The following ANO3 variants were observed in gnomAD, a reference collection of about 807,000 sequenced individuals.
The protein encoded by ANO3 is anoctamin 3.
Under a neutral mutation model 144.8 loss-of-function variants are expected in ANO3, and 99 were observed. The ratio of observed to expected loss-of-function variants is 0.68; its 90% CI spans 0.58 to 0.81. ANO3 has a LOEUF of 0.81. Ranked by LOEUF, ANO3 falls within the 30% of genes least tolerant of loss-of-function variation. The pLI is 0.00. For synonymous variants in ANO3, 414 were observed against 392.6 expected (o/e 1.05, Z -0.64); for missense variants, 905 against 1,202.2 (o/e 0.75, Z 3.66).
intron 4 of ANO3, among the ~76,000 whole-genome samples, chr11:26,477,973 TTTGG>T (rs770256801): frequency 6.6e-6 from 1 of 152,168 alleles, no homozygotes; most frequent in Non-Finnish European, 1.5e-5. Flanking sequence ...TAAAATATCA[TTTGG>T]TTGGAGGTAA....
rs1453977441 is a variant in ANO3, at chr11:26,407,072, G to GTATATATATATA, written c.47-34845_47-34844insATATATATATAT. Among the ~76,000 whole-genome samples the GTATATATATATA allele has an allele frequency of 4.8e-3, 489 of 101,378 alleles. 2 individuals are homozygous for GTATATATATATA. Among genetic ancestry groups the GTATATATATATA allele is most frequent in the Non-Finnish European group, 8.1e-3 (387 of 47,948 alleles). 66.5% of individuals were successfully genotyped at this position (101,378 alleles called of 152,430 possible). A position where few individuals can be genotyped will look rare whatever the true frequency, so the allele number is the denominator to read the frequency against. On this transcript the variant is annotated intron_variant, in intron 1 of 26. Coordinates refer to ENST00000256737, the MANE Select transcript of ANO3 (RefSeq NM_031418.4). ...GGTGTGTGTGTGTGTGTGTGTGTGT[G>GTATATATATATA]TGTGTATATATATATATATATGTAT...
At chr11:26,231,980 T>A (rs1413588996) in intron 1 of ANO3, among the ~76,000 whole-genome samples, 1 of 152,236 alleles carries the variant, frequency 6.6e-6, no homozygotes, top group Non-Finnish European at 1.5e-5. Flanking sequence ...TGAAACACTT[T>A]ATAATATTTG....
chr11:26,456,595 G>A (rs1446755156), intron 3 of ANO3, among the ~76,000 whole-genome samples: 3 of 127,148 alleles, frequency 2.4e-5, no homozygotes, highest in East Asian at 4.9e-4. Context: ...GAGAGGATGT[G>A]GAGAAATAGG....
intron 26 of ANO3, among the ~76,000 whole-genome samples, chr11:26,658,478 C>T (rs539025195): frequency 5.2e-4 from 47 of 89,660 alleles, no homozygotes; most frequent in African/African-American, 1.2e-3. Context: ...GGTGCAGTGG[C>T]GCATGCCTGT....
chr11:26,544,634 T>C (rs936156214), intron 11 of ANO3, among the ~76,000 whole-genome samples: 9 of 151,968 alleles, frequency 5.9e-5, no homozygotes, highest in African/African-American at 2.2e-4. Flanking sequence ...GTAATGCATA[T>C]GTTAATTAAC....
At chr11:26,323,712 A>G (rs1854816717) in intron 1 of ANO3, among the ~76,000 whole-genome samples, 1 of 152,148 alleles carries the variant, frequency 6.6e-6, no homozygotes, top group African/African-American at 2.4e-5. Context: ...AGGACCTAAA[A>G]CGATTTCTCT....
chr11:26,462,371 T>G (rs1473420890), intron 3 of ANO3, among the ~76,000 whole-genome samples: 1 of 151,870 alleles, frequency 6.6e-6, no homozygotes, highest in African/African-American at 2.4e-5. Flanking sequence ...ACCATAGAGA[T>G]TTCCTATTTT....
At chr11:26,576,040 GC>G (rs1850977617) in intron 14 of ANO3, among the ~76,000 whole-genome samples, 1 of 152,168 alleles carries the variant, frequency 6.6e-6, no homozygotes, top group African/African-American at 2.4e-5. Flanking sequence ...CGCTCAGGTG[GC>G]CCCATGAAAT....
intron 14 of ANO3, among the ~76,000 whole-genome samples, chr11:26,586,010 A>G (rs1851264405): frequency 6.6e-6 from 1 of 152,106 alleles, no homozygotes; most frequent in Non-Finnish European, 1.5e-5. Context: ...TCCTGGCTTG[A>G]CCTTATAGTT....
chr11:26,379,929 A>G (rs1446183599), intron 1 of ANO3, among the ~76,000 whole-genome samples: 2 of 152,180 alleles, frequency 1.3e-5, no homozygotes, highest in Non-Finnish European at 2.9e-5. Context: ...GAGCATTTAG[A>G]TGCATTGGAG....
intron 4 of ANO3, among the ~76,000 whole-genome samples, chr11:26,482,406 A>G (rs941516850): frequency 4.8e-5 from 7 of 145,932 alleles, no homozygotes; most frequent in Non-Finnish European, 1.0e-4. Flanking sequence ...TCCATTTTGC[A>G]GTAATTTGAA....
chr11:26,598,868 G>T lies in ANO3; in HGVS notation c.1541G>T (p.Arg514Leu). Reference protein sequence around the residue: ...IEWEEEEETLRPQFEAKYYKM... With the variant: ...IEWEEEEETLLPQFEAKYYKM... Reference sequence around the variant, plus strand: ...TCGTTTCTCTCATAGGAAACACTTCGTCCCCAGTTTGAAGCCAAGTATTAC... The same window carrying T: ...TCGTTTCTCTCATAGGAAACACTTCTTCCCCAGTTTGAAGCCAAGTATTAC... Residue 514 changes from arginine to leucine, a missense_variant, in exon 16 of 27, where the codon CGT becomes CTT. By Grantham distance (102) the Arg-to-Leu change is moderately radical (BLOSUM62 -2). Around this residue, in one of 4 missense-constraint regions of ANO3, gnomAD observed 597 missense variants for 865.1 expected, o/e 0.69. Coordinates refer to ENST00000256737, the MANE Select transcript of ANO3 (RefSeq NM_031418.4). 2 of 1,612,618 alleles carry T rather than the reference G, an allele frequency of 1.2e-6. No individual in the cohort carries two copies.
At chr11:26,541,006 T>C (rs1278268684) in intron 10 of ANO3, among the ~76,000 whole-genome samples, 1 of 152,188 alleles carries the variant, frequency 6.6e-6, no homozygotes, top group Non-Finnish European at 1.5e-5. Flanking sequence ...CGTATGTTTA[T>C]TGCAGCAATA....
intron 1 of ANO3, among the ~76,000 whole-genome samples, chr11:26,294,354 C>T (rs1176173329): frequency 6.6e-6 from 1 of 152,102 alleles, no homozygotes; most frequent in East Asian, 1.9e-4. Context: ...ATTATGATAT[C>T]ACAGGATCTT....
chr11:26,612,281 C>A (rs1590630800), intron 17 of ANO3, among the ~76,000 whole-genome samples: 3 of 151,878 alleles, frequency 2.0e-5, no homozygotes, highest in African/African-American at 7.2e-5. Flanking sequence ...GCTGTAATTT[C>A]TTTCTTTCGG....
At chr11:26,656,660 G>T (rs911043889) in intron 26 of ANO3, among the ~76,000 whole-genome samples, 179 bp downstream of exon 26, 2 of 152,112 alleles carry the variant, frequency 1.3e-5, no homozygotes, top group East Asian at 1.9e-4. Context: ...GCTGAATAAT[G>T]TAAGAGTGTA....
chr11:26,416,117 A>G (rs1857578721), intron 1 of ANO3, among the ~76,000 whole-genome samples: 1 of 152,120 alleles, frequency 6.6e-6, no homozygotes, highest in Non-Finnish European at 1.5e-5. Context: ...CATAGTCTCC[A>G]TAAGAGCATC....
intron 1 of ANO3, among the ~76,000 whole-genome samples, chr11:26,273,650 A>C (rs971707242): frequency 6.6e-6 from 1 of 151,754 alleles, no homozygotes; most frequent in Non-Finnish European, 1.5e-5. Flanking sequence ...ACACACACAC[A>C]CACACACACA....
intron 1 of ANO3, among the ~76,000 whole-genome samples, chr11:26,439,761 T>G (rs1858446470): frequency 6.6e-6 from 1 of 152,218 alleles, no homozygotes; most frequent in Non-Finnish European, 1.5e-5. Context: ...GAAAACTATT[T>G]TTATACATAG....
Sources: gnomAD v4.1 joint callset for allele counts (sites outside exome capture counted in the v4.1 genomes callset) on GRCh38, gnomAD v4.1.1 for gene constraint, gnomAD v4.1.1 regional missense constraint, MANE v1.5 for transcripts, NCBI Gene and HGNC (gene_info 2026-07-23, HGNC 2026-07-21) for gene names.